The following SIPA1L3 variants were observed in gnomAD, a reference collection of about 807,000 sequenced individuals.
SIPA1L3 encodes signal-induced proliferation-associated 1-like protein 3.
Under a neutral mutation model 150.1 loss-of-function variants are expected in SIPA1L3, and 59 were observed. That is an observed-to-expected ratio of 0.39 (90% CI 0.32 to 0.49). The LOEUF (loss-of-function observed/expected upper bound fraction) is 0.49. Among genes scored for constraint, SIPA1L3 ranks in the 20% least tolerant of loss-of-function variants. The pLI is 0.86. For missense variants in SIPA1L3, 2,211 were observed against 2,489.5 expected, an observed-to-expected ratio of 0.89 and a Z score of 2.38; for synonymous variants, 1,070 against 1,077.6, an observed-to-expected ratio of 0.99 and a Z score of 0.14.
intron 21 of SIPA1L3, among the ~76,000 whole-genome samples, chr19:38,205,458 A>C (rs1336028260): frequency 1.0e-5 from 1 of 95,392 alleles, no homozygotes; most frequent in Non-Finnish European, 2.0e-5. Context: ...ACCCAGTCTC[A>C]AAAAAAAAAA....
intron 2 of SIPA1L3, among the ~76,000 whole-genome samples, chr19:38,043,582 G>A (rs1041615545): frequency 1.3e-5 from 2 of 152,152 alleles, no homozygotes; most frequent in Non-Finnish European, 2.9e-5. Flanking sequence ...AGAGGTTTAG[G>A]AAGGGATCAT....
At chr19:37,976,417 C>T (rs901871894) in intron 1 of SIPA1L3, among the ~76,000 whole-genome samples, 5 of 152,082 alleles carry the variant, frequency 3.3e-5, no homozygotes, top group African/African-American at 9.7e-5. Context: ...GAAGCAGTGC[C>T]GGCCAGTCTG....
intron 1 of SIPA1L3, among the ~76,000 whole-genome samples, chr19:37,989,413 G>A (rs1312905214): frequency 6.6e-6 from 1 of 151,994 alleles, no homozygotes; most frequent in African/African-American, 2.4e-5. Context: ...AGTAGAGACG[G>A]GGATCTCACT....
At chr19:37,952,781 G>T (rs2046776279) in intron 1 of SIPA1L3, among the ~76,000 whole-genome samples, 1 of 152,224 alleles carries the variant, frequency 6.6e-6, no homozygotes, top group Non-Finnish European at 1.5e-5. Context: ...GCGGTTCTTA[G>T]CTTTATGTGA....
chr19:37,983,951 T>G (rs919815917), intron 1 of SIPA1L3, among the ~76,000 whole-genome samples: 2 of 151,278 alleles, frequency 1.3e-5, no homozygotes, highest in Non-Finnish European at 1.5e-5. Context: ...GATGAGGAAT[T>G]GTAACTGTAA....
chr19:38,101,623 C>A (rs1970505420), intron 6 of SIPA1L3, among the ~76,000 whole-genome samples: 1 of 152,140 alleles, frequency 6.6e-6, no homozygotes, highest in Admixed American at 6.6e-5. Context: ...GTTGGCCAGA[C>A]TGGTCTCGAA....
chr19:38,089,975 C>A (rs183581878), intron 4 of SIPA1L3, among the ~76,000 whole-genome samples: 37 of 152,224 alleles, frequency 2.4e-4, no homozygotes, highest in African/African-American at 8.7e-4. Context: ...AAGCTCTCAC[C>A]ATGTCATGGG....
In SIPA1L3 at chr19:38,130,766, C is replaced by T. The variant is rs762610936; in HGVS notation, c.3137C>T (p.Pro1046Leu). The T allele has an allele frequency of 3.7e-6, 6 of 1,602,438 alleles. No individual in the cohort carries two copies. In the Admixed American group the frequency reaches 8.4e-5, roughly 22 times the overall value. ...ATCCCGCCTTTTGAGGACGGCACTC[C>T]CCGGAGGTAAGGGCCTCCACCTTTC... ...VIIPPFEDGT[P>L]RRGWPETYDM... The change falls in exon 10 of 22, where the codon CCC (proline) becomes CTC (leucine). Residue 1046 changes from proline to leucine, a missense_variant. Pro to Leu is a moderately conservative substitution (Grantham distance 98). Transcript: ENST00000222345.
At chr19:38,060,264 G>A (rs1969418339) in intron 2 of SIPA1L3, among the ~76,000 whole-genome samples, 1 of 152,176 alleles carries the variant, frequency 6.6e-6, no homozygotes, top group African/African-American at 2.4e-5. Flanking sequence ...TTAGTATCAT[G>A]TCCGAGAGGT....
chr19:38,183,470 G>A (rs1478714757), intron 16 of SIPA1L3, among the ~76,000 whole-genome samples: 2 of 152,154 alleles, frequency 1.3e-5, no homozygotes, highest in African/African-American at 4.8e-5. Flanking sequence ...AGGGGTTGAG[G>A]ATGGTGCGTC....
rs575881899 is a variant in SIPA1L3, at chr19:38,119,297, C to T, written c.2292-9C>T. ...CTTCCCACCATCTAAATAATCTCTC[C>T]CTCCACAGTATGGCTGTGACCCGAT... On this transcript the variant is annotated splice_polypyrimidine_tract_variant and intron_variant, in intron 8 of 21. Coordinates refer to ENST00000222345, the MANE Select transcript of SIPA1L3 (RefSeq NM_015073.3). 6.2e-7 allele frequency: 1 copy of T among 1,607,312 alleles called. No homozygotes were observed. Among genetic ancestry groups the T allele is most frequent in the African/African-American group, 1.3e-5 (1 of 74,856 alleles).
chr19:38,122,705 C>T (rs114998164), intron 9 of SIPA1L3, among the ~76,000 whole-genome samples: 2,764 of 152,220 alleles, frequency 0.018, 94 homozygotes, highest in African/African-American at 0.063. Flanking sequence ...GTCACTGTTG[C>T]GCTCTCTGCC....
At chr19:38,074,574 G>A (rs1969798907) in intron 2 of SIPA1L3, among the ~76,000 whole-genome samples, 1 of 152,224 alleles carries the variant, frequency 6.6e-6, no homozygotes. Context: ...GCGGACTGTG[G>A]GGCAGGGTTC....
chr19:37,952,162 T>TG (rs1182442455), intron 1 of SIPA1L3, among the ~76,000 whole-genome samples: 4 of 152,102 alleles, frequency 2.6e-5, no homozygotes, highest in Non-Finnish European at 4.4e-5. Flanking sequence ...GCTGGGGGCC[T>TG]GGGGACCATC....
In SIPA1L3 at chr19:38,195,799, CCCG is replaced by C. The variant is rs1359190451; in HGVS notation, c.4840+2022_4840+2024del. Among the ~76,000 whole-genome samples, 500 of 113,380 alleles carry C rather than the reference CCCG, an allele frequency of 4.4e-3. 36 individuals are homozygous for C. The highest frequency in any genetic ancestry group is 0.016 in the South Asian group (43 of 2,670). The allele number at this position is 113,380 out of a possible 152,430, so 74.4% of individuals were successfully genotyped here. A position where few individuals can be genotyped will look rare whatever the true frequency, so the allele number is the denominator to read the frequency against. On this transcript the variant is annotated intron_variant, in intron 18 of 21. Coordinates refer to ENST00000222345, the MANE Select transcript of SIPA1L3 (RefSeq NM_015073.3). ...GGCACCACCACAGGCCCCGTCCCCC[CCCG>C]CCCCCCCGGGTTTCTCTCACCCCCC... is the stretch of plus-strand genomic sequence containing the variant.
chr19:38,110,639 C>T (rs763724132), intron 8 of SIPA1L3, among the ~76,000 whole-genome samples: 33 of 152,180 alleles, frequency 2.2e-4, no homozygotes, highest in South Asian at 4.1e-4. Context: ...AAACCCATGT[C>T]AATGTGGCTT....
rs539298902 is a variant in SIPA1L3, at chr19:38,056,387, G to GT, written c.-310-24864dup. On this transcript the variant is annotated intron_variant, in intron 2 of 21. Coordinates refer to ENST00000222345, the MANE Select transcript of SIPA1L3 (RefSeq NM_015073.3). ...TGAACACTGTGGCATCCTTGCACCT[G>GT]TTTTTCCTCCATCCCCCTCACCCAC... Among the ~76,000 whole-genome samples the GT allele has an allele frequency of 1.4e-4, 22 of 152,284 alleles. No individual in the cohort carries two copies. The East Asian group carries it at 4.1e-3, about 28-fold the overall frequency.
intron 7 of SIPA1L3, 32 bp from the exon 8 acceptor site, chr19:38,110,195 G>A: frequency 1.2e-6 from 2 of 1,608,360 alleles, no homozygotes; most frequent in Middle Eastern, 1.7e-4. Flanking sequence ...ACCTGTGACA[G>A]GTTCCTGTCC....
At chr19:38,085,171 G>A (rs909177363) in intron 3 of SIPA1L3, among the ~76,000 whole-genome samples, 1 of 151,960 alleles carries the variant, frequency 6.6e-6, no homozygotes, top group South Asian at 2.1e-4. Context: ...CACAGAGATT[G>A]AAAAGAAAGG....
Sources: allele counts gnomAD v4.1 joint callset (sites outside exome capture counted in the v4.1 genomes callset), GRCh38; gene constraint gnomAD v4.1.1; transcripts MANE v1.5; gene names NCBI Gene and HGNC (gene_info 2026-07-23, HGNC 2026-07-21).